The following TRIM55 variants were observed in gnomAD, a reference collection of about 807,000 sequenced individuals.
TRIM55 encodes the protein tripartite motif containing 55, also known as tripartite motif-containing protein 55.
TRIM55 carries 50 observed loss-of-function variants against 60.9 expected under a neutral mutation model. That is an observed-to-expected ratio of 0.82 (90% CI 0.65 to 1.04). TRIM55 has a LOEUF of 1.04. Among genes scored for constraint, TRIM55 ranks in the 50% least tolerant of loss-of-function variants. TRIM55 has a pLI of 0.00. For synonymous variants in TRIM55, 237 were observed against 238.1 expected (o/e 1.00, Z 0.04); for missense variants, 681 against 666.9 (o/e 1.02, Z -0.23).
the TRIM55 span, among the ~76,000 whole-genome samples, chr8:66,114,267 CCT>C: frequency 6.6e-6 from 1 of 152,148 alleles, no homozygotes; most frequent in Non-Finnish European, 1.5e-5. Context: ...CTCCAGTTTT[CCT>C]TCCTGTCCCG....
intron 9 of TRIM55, among the ~76,000 whole-genome samples, chr8:66,173,454 G>T (rs1811752544): frequency 6.6e-6 from 1 of 152,196 alleles, no homozygotes; most frequent in Admixed American, 6.5e-5. Flanking sequence ...CTTTACTTGT[G>T]CCAGGTATTA....
intron 7 of TRIM55, among the ~76,000 whole-genome samples, chr8:66,151,850 TAATAAATAAATA>T (rs199757226): frequency 0.029 from 4,081 of 142,696 alleles, 179 homozygotes; most frequent in African/African-American, 0.093. Flanking sequence ...TCTCAAAAAA[TAATAAATAAATA>T]AATAAATAAA....
intron 8 of TRIM55, 39 bp from the exon 9 acceptor site, chr8:66,154,008 T>A: frequency 6.4e-7 from 1 of 1,553,724 alleles, no homozygotes; most frequent in South Asian, 1.2e-5. Flanking sequence ...TTCTTCTTTT[T>A]TTTTTTCTTT....
chr8:66,119,086 G>C, the TRIM55 span, among the ~76,000 whole-genome samples: 4 of 152,174 alleles, frequency 2.6e-5, no homozygotes, highest in Non-Finnish European at 5.9e-5. Context: ...TTGGTCCACT[G>C]GTGCCCTAGT....
At chr8:66,157,865 C>A (rs889062589) in intron 9 of TRIM55, among the ~76,000 whole-genome samples, 1 of 152,094 alleles carries the variant, frequency 6.6e-6, no homozygotes, top group African/African-American at 2.4e-5. Context: ...GCAAAAAAAA[C>A]CGGTCATGGC....
Position 66,137,100 on chromosome 8 carries a change from G to T in TRIM55, c.513G>T (p.Glu171Asp). The T allele has an allele frequency of 6.2e-7, 1 of 1,614,002 alleles. No homozygotes were observed. Among genetic ancestry groups the T allele is most frequent in the Non-Finnish European group, 8.5e-7 (1 of 1,179,912 alleles). Residue 171 changes from glutamate to aspartate, a missense_variant, in exon 4 of 10, where the codon GAG becomes GAT. Glu to Asp is a conservative substitution (Grantham distance 45). Coordinates refer to ENST00000315962, the MANE Select transcript of TRIM55 (RefSeq NM_184085.2). ...LTHVFQRQKS[E>D]LSDGIAILVG... is the part of the protein sequence containing the mutation. Reference sequence around the variant, plus strand: ...TCATGTTTTCTCTTCATTAGTCTGAGCTCAGTGATGGCATCGCCATCCTCG... The same window carrying T: ...TCATGTTTTCTCTTCATTAGTCTGATCTCAGTGATGGCATCGCCATCCTCG...
intron 9 of TRIM55, among the ~76,000 whole-genome samples, chr8:66,162,513 T>G (rs1811110513): frequency 6.6e-6 from 1 of 152,040 alleles, no homozygotes; most frequent in Non-Finnish European, 1.5e-5. Context: ...GGTTTTGGTA[T>G]TAGGGTAATA....
the TRIM55 span, among the ~76,000 whole-genome samples, chr8:66,119,981 A>G: frequency 3.3e-5 from 5 of 152,152 alleles, no homozygotes; most frequent in Admixed American, 6.5e-5. Context: ...CTTCTAAAGC[A>G]TGGGTGTGGT....
chr8:66,143,283 G>C (rs561437141), intron 4 of TRIM55, among the ~76,000 whole-genome samples: 1 of 152,170 alleles, frequency 6.6e-6, no homozygotes, highest in African/African-American at 2.4e-5. Flanking sequence ...GCCATGGCAC[G>C]TGTGCAAGCT....
chr8:66,132,977 C>A (rs1309624229), intron 2 of TRIM55, among the ~76,000 whole-genome samples: 9 of 152,208 alleles, frequency 5.9e-5, no homozygotes, highest in East Asian at 3.8e-4. Context: ...ATGACGCAAT[C>A]TCTGGTCACA....
intron 4 of TRIM55, among the ~76,000 whole-genome samples, chr8:66,143,510 A>G (rs1809938407): frequency 6.6e-6 from 1 of 152,038 alleles, no homozygotes; most frequent in African/African-American, 2.4e-5. Context: ...CAAACATACT[A>G]ACAACTGTCC....
At chr8:66,143,629 C>G (rs755767817) in intron 4 of TRIM55, among the ~76,000 whole-genome samples, 1 of 151,710 alleles carries the variant, frequency 6.6e-6, no homozygotes, top group African/African-American at 2.4e-5. Context: ...GGAATATCCA[C>G]TTAAATACCT....
At chr8:66,174,182 A>G (rs1811793351) in intron 9 of TRIM55, among the ~76,000 whole-genome samples, 2 of 151,660 alleles carry the variant, frequency 1.3e-5, no homozygotes, top group Non-Finnish European at 2.9e-5. Context: ...AAAAAAAAAA[A>G]AACTAGAATA....
At chr8:66,161,291 C>A (rs1437802861) in intron 9 of TRIM55, among the ~76,000 whole-genome samples, 1 of 152,066 alleles carries the variant, frequency 6.6e-6, no homozygotes, top group Admixed American at 6.6e-5. Context: ...GTGTCCTTTC[C>A]CCACTTTATG....
chr8:66,113,660 G>A, the TRIM55 span: 1 of 450,424 alleles, frequency 2.2e-6, no homozygotes, highest in African/African-American at 2.0e-5. Flanking sequence ...CGCAGCTGTG[G>A]GTCTGCGCTT....
At chr8:66,140,074 G>A (rs1809719542) in intron 4 of TRIM55, among the ~76,000 whole-genome samples, 1 of 152,154 alleles carries the variant, frequency 6.6e-6, no homozygotes, top group African/African-American at 2.4e-5. Flanking sequence ...TGTGTCCTAG[G>A]AGCAATAGAT....
intron 4 of TRIM55, among the ~76,000 whole-genome samples, chr8:66,148,594 C>T (rs773029460): frequency 1.2e-4 from 18 of 152,022 alleles, no homozygotes; most frequent in Non-Finnish European, 2.2e-4. Flanking sequence ...AAAGCATGAA[C>T]AAAGAAAGTG....
intron 9 of TRIM55, among the ~76,000 whole-genome samples, chr8:66,159,516 G>C (rs1810928882): frequency 6.6e-6 from 1 of 152,192 alleles, no homozygotes; most frequent in African/African-American, 2.4e-5. Flanking sequence ...ATAGGTCTTT[G>C]TGTGAATACA....
chr8:66,143,583 T>TA (rs200876090), intron 4 of TRIM55, among the ~76,000 whole-genome samples: 11 of 143,448 alleles, frequency 7.7e-5, no homozygotes, highest in African/African-American at 2.5e-4. Context: ...GGTTTTTGGG[T>TA]TTTTTTTTTT....
Sources: allele counts gnomAD v4.1 joint callset (sites outside exome capture counted in the v4.1 genomes callset), GRCh38; gene constraint gnomAD v4.1.1; transcripts MANE v1.5; gene names NCBI Gene and HGNC (gene_info 2026-07-23, HGNC 2026-07-21).